PCDHAC2: variants seen among roughly 807,000 people sequenced by gnomAD.
PCDHAC2 encodes protocadherin alpha subfamily C, 2.
PCDHAC2 carries 24 observed loss-of-function variants against 63.3 expected under a neutral mutation model. The observed-to-expected ratio is 0.38, with a 90% CI of 0.27 to 0.53. The LOEUF is 0.53. Among genes scored for constraint, PCDHAC2 ranks in the 20% least tolerant of loss-of-function variants. The pLI is 0.81. For missense variants in PCDHAC2, 1,181 were observed against 1,275.2 expected, an observed-to-expected ratio of 0.93 and a Z score of 1.12; for synonymous variants, 569 against 529.4, an observed-to-expected ratio of 1.07 and a Z score of -1.03.
Position 140,966,703 on chromosome 5 carries a change from G to A in PCDHAC2, c.-64G>A. On this transcript the variant is annotated 5_prime_UTR_variant, in exon 1 of 4. Transcript: ENST00000289269. Reference sequence around the variant, plus strand: ...CGAGCGGAGGCGGGGCCCGGGCGTGGGGCACGGCTGGGGAAGCTGCCGCCT... The same window carrying A: ...CGAGCGGAGGCGGGGCCCGGGCGTGAGGCACGGCTGGGGAAGCTGCCGCCT... 2 of 1,376,398 alleles carry A rather than the reference G, an allele frequency of 1.5e-6. No individual in the cohort carries two copies. The highest frequency in any genetic ancestry group is 1.9e-6 in the Non-Finnish European group (2 of 1,069,356). The allele number at this position is 1,376,398 out of a possible 1,614,324, so 85.3% of individuals were successfully genotyped here.
intron 1 of PCDHAC2, among the ~76,000 whole-genome samples, chr5:140,972,314 GTGT>G (rs1387433472): frequency 1.3e-5 from 2 of 150,490 alleles, no homozygotes; most frequent in Non-Finnish European, 3.0e-5. Context: ...TAGTTTTTAG[GTGT>G]TTTTTTTTTT....
rs1314972050 is a variant in PCDHAC2, at chr5:141,011,103, T to A, written c.*1166T>A. 6.5e-6 allele frequency: 1 copy of A among 153,762 alleles called. No individual in the cohort carries two copies. Among genetic ancestry groups the A allele is most frequent in the Non-Finnish European group, 1.5e-5 (1 of 68,036 alleles). The allele number at this position is 153,762 out of a possible 1,614,324, so 9.5% of individuals were successfully genotyped here. A position where few individuals can be genotyped will look rare whatever the true frequency, so the allele number is the denominator to read the frequency against. On this transcript the variant is annotated 3_prime_UTR_variant, in exon 4 of 4. Coordinates refer to ENST00000289269, the MANE Select transcript of PCDHAC2 (RefSeq NM_018899.6). ...TGATCTCTCTTTCTCTCTCTCTCTC[T>A]CTTTTCTAAGAAACAATTATGTGCA... is the stretch of plus-strand genomic sequence containing the variant.
chr5:140,983,387 G>T (rs1417783796), intron 3 of PCDHAC2, among the ~76,000 whole-genome samples: 1 of 152,188 alleles, frequency 6.6e-6, no homozygotes, highest in Non-Finnish European at 1.5e-5. Flanking sequence ...CGCTGTGGCA[G>T]TTTTCAGAAA....
At chr5:140,973,586 C>T (rs1207651483) in intron 1 of PCDHAC2, among the ~76,000 whole-genome samples, 2 of 152,176 alleles carry the variant, frequency 1.3e-5, no homozygotes, top group African/African-American at 4.8e-5. Context: ...GACTGCTGAG[C>T]CAGATGGAAT....
rs1297938804 is a variant in PCDHAC2, at chr5:140,966,586, TG to T, written c.-177del. On this transcript the variant is annotated 5_prime_UTR_variant, in exon 1 of 4. An upstream open reading frame in the 5' UTR loses its in-frame stop. Transcript: ENST00000289269. ...GAATATGGGGAGTCAGCGAGGACGGTGGGGCCAGGAGCCCTTGGGAGGGCCT... is the reference window on the plus strand; with the variant it reads ...GAATATGGGGAGTCAGCGAGGACGGTGGGCCAGGAGCCCTTGGGAGGGCCT... The T allele has an allele frequency of 7.1e-5, 39 of 548,908 alleles. No individual in the cohort carries two copies. Among genetic ancestry groups the T allele is most frequent in the Non-Finnish European group, 1.1e-4 (39 of 342,604 alleles). The allele number at this position is 548,908 out of a possible 1,614,324, so 34.0% of individuals were successfully genotyped here. A position where few individuals can be genotyped will look rare whatever the true frequency, so the allele number is the denominator to read the frequency against.
At chr5:140,983,617 G>C (rs868994554) in intron 3 of PCDHAC2, among the ~76,000 whole-genome samples, 1 of 152,228 alleles carries the variant, frequency 6.6e-6, no homozygotes, top group Admixed American at 6.5e-5. Context: ...GAGGCAGAGA[G>C]ATTAAGAAAT....
At chr5:140,979,937 A>G (rs563499415) in intron 2 of PCDHAC2, among the ~76,000 whole-genome samples, 1 of 152,388 alleles carries the variant, frequency 6.6e-6, no homozygotes, top group African/African-American at 2.4e-5. Context: ...GTATGTGTAG[A>G]GTTAATGTGA....
chr5:140,977,074 T>C (rs1315038002), intron 1 of PCDHAC2, among the ~76,000 whole-genome samples: 1 of 152,244 alleles, frequency 6.6e-6, no homozygotes, highest in Admixed American at 6.5e-5. Flanking sequence ...AATAGCAGCA[T>C]GACAAATTAA....
At chr5:140,999,319 T>G (rs2097853876) in intron 3 of PCDHAC2, among the ~76,000 whole-genome samples, 1 of 152,236 alleles carries the variant, frequency 6.6e-6, no homozygotes, top group African/African-American at 2.4e-5. Flanking sequence ...TGACAGACAT[T>G]GATCTGTGTG....
In PCDHAC2 at chr5:140,983,247, G is replaced by A. The variant is rs112993813; in HGVS notation, c.2713+684G>A. ...ACTTTCAGGAAAGAGAACCTGCTAA[G>A]TTGTGTAAAAAACCTAATGGCTGGG... On this transcript the variant is annotated intron_variant, in intron 3 of 3. Coordinates refer to ENST00000289269, the MANE Select transcript of PCDHAC2 (RefSeq NM_018899.6). Among the ~76,000 whole-genome samples the A allele has an allele frequency of 9.0e-3, 1,377 of 152,306 alleles. 16 individuals are homozygous for A. The highest frequency in any genetic ancestry group is 0.043 in the East Asian group (224 of 5,190).
rs2096298194 is a variant in PCDHAC2, at chr5:140,969,125, C to T, written c.2359C>T (p.Leu787Phe). Residue 787 changes from leucine (L) to phenylalanine (F), a missense_variant, in exon 1 of 4, where the codon CTC (leucine) becomes TTC (phenylalanine). By Grantham distance (22) the Leu-to-Phe change is conservative (BLOSUM62 0). This residue lies in a region of PCDHAC2 where 968 missense variants were observed against 1,073.5 expected (regional missense o/e 0.90). Transcript: ENST00000289269. Reference sequence around the variant, plus strand: ...CATTGAAGTTCGAGGGAATGGCTCCCTCACCAAGACCTACTGCTACAAGGC... The same window carrying T: ...CATTGAAGTTCGAGGGAATGGCTCCTTCACCAAGACCTACTGCTACAAGGC... ...HFIEVRGNGSLTKTYCYKACL... is the reference protein window; with the variant it reads ...HFIEVRGNGSFTKTYCYKACL... 3 of 1,614,152 alleles carry T rather than the reference C, an allele frequency of 1.9e-6. No individual in the cohort carries two copies. Among genetic ancestry groups the T allele is most frequent in the East Asian group, 2.2e-5 (1 of 44,880 alleles).
intron 1 of PCDHAC2, among the ~76,000 whole-genome samples, chr5:140,974,566 C>T (rs2096631979): frequency 6.6e-6 from 1 of 152,138 alleles, no homozygotes; most frequent in African/African-American, 2.4e-5. Context: ...GGCTGGAGTG[C>T]AATGGCATGA....
chr5:140,969,483 G>T (rs531496681), intron 1 of PCDHAC2, 152 bp downstream of exon 1: 15 of 1,462,254 alleles, frequency 1.0e-5, no homozygotes, highest in Non-Finnish European at 1.3e-5. Context: ...ATCATAATCT[G>T]CTATTTCCTC....
chr5:141,002,284 A>T (rs1334096097), intron 3 of PCDHAC2, among the ~76,000 whole-genome samples: 1 of 152,180 alleles, frequency 6.6e-6, no homozygotes, highest in Non-Finnish European at 1.5e-5. Flanking sequence ...CAAAGGGATG[A>T]ATGGGGAGCA....
chr5:141,005,000 G>A (rs2098192261), intron 3 of PCDHAC2, among the ~76,000 whole-genome samples: 1 of 152,176 alleles, frequency 6.6e-6, no homozygotes, highest in Non-Finnish European at 1.5e-5. Context: ...GGTCTCCTAA[G>A]CCCTGAGAGC....
intron 3 of PCDHAC2, among the ~76,000 whole-genome samples, chr5:141,005,658 C>T (rs1014602554): frequency 6.9e-4 from 96 of 138,640 alleles, no homozygotes; most frequent in African/African-American, 2.4e-3. Flanking sequence ...GTCGAGATCG[C>T]GCCACTGCAC....
chr5:140,980,628 CAGA>C (rs1554242055), intron 2 of PCDHAC2, among the ~76,000 whole-genome samples: 1 of 150,868 alleles, frequency 6.6e-6, no homozygotes, highest in Non-Finnish European at 1.5e-5. Flanking sequence ...GACTCTGTCT[CAGA>C]AGAATAAATA....
chr5:140,971,652 G>A (rs1554233517), intron 1 of PCDHAC2, among the ~76,000 whole-genome samples: 1 of 152,134 alleles, frequency 6.6e-6, no homozygotes, highest in African/African-American at 2.4e-5. Context: ...ATTAAAAGTA[G>A]ATGGGAATTA....
Position 140,969,051 on chromosome 5 carries a change from A to T in PCDHAC2, c.2285A>T (p.Asn762Ile), listed in dbSNP as rs908108421. 3 of 1,614,062 alleles carry T rather than the reference A, an allele frequency of 1.9e-6. No homozygotes were observed. The highest frequency in any genetic ancestry group is 1.7e-6 in the Non-Finnish European group (2 of 1,180,022). Reference protein sequence around the residue: ...SPAELYKQANNNIDARIPHGL... With the variant: ...SPAELYKQANINIDARIPHGL... ...GCAGAACTGTACAAACAAGCCAACAACAATATTGATGCCAGGATACCGCAT... is the reference window on the plus strand; with the variant it reads ...GCAGAACTGTACAAACAAGCCAACATCAATATTGATGCCAGGATACCGCAT... The change falls in exon 1 of 4, where the codon AAC becomes ATC. Residue 762 changes from asparagine (N) to isoleucine (I), a missense_variant. Around this residue, in one of 3 missense-constraint regions of PCDHAC2, gnomAD observed 968 missense variants for 1,073.5 expected, o/e 0.90. Transcript: ENST00000289269.
Sources: allele counts gnomAD v4.1 joint callset (sites outside exome capture counted in the v4.1 genomes callset), GRCh38; gene constraint gnomAD v4.1.1; regional missense constraint gnomAD v4.1.1; transcripts MANE v1.5; gene names NCBI Gene and HGNC (gene_info 2026-07-23, HGNC 2026-07-21).